TMEM255B: variants seen among roughly 807,000 people sequenced by gnomAD.
TMEM255B encodes the protein transmembrane protein 255B, also known as family with sequence similarity 70, member B.
TMEM255B carries 35 observed loss-of-function variants against 34.5 expected under a neutral mutation model. The observed-to-expected ratio is 1.01, with a 90% CI of 0.77 to 1.34. TMEM255B has a LOEUF of 1.34. Among genes scored for constraint, TMEM255B ranks in the 40% most tolerant of loss-of-function variants. The pLI, the probability that TMEM255B is intolerant of heterozygous loss-of-function variation, is 0.00. For missense variants in TMEM255B, 432 were observed against 433.2 expected (o/e 1.00, Z 0.02); for synonymous variants, 206 against 201.2 (o/e 1.02, Z -0.20).
At chr13:113,789,620 G>T (rs1354304081) in intron 3 of TMEM255B, among the ~76,000 whole-genome samples, 1 of 152,212 alleles carries the variant, frequency 6.6e-6, no homozygotes, top group African/African-American at 2.4e-5. Flanking sequence ...CAACACCACT[G>T]CCTGGACTCG....
intron 2 of TMEM255B, chr13:113,768,787 T>A: frequency 2.1e-6 from 1 of 485,544 alleles, no homozygotes; most frequent in African/African-American, 1.9e-5. Context: ...TTGGTGGCCC[T>A]GGGTTCCCGA....
chr13:113,778,798 C>A (rs1231080247), intron 3 of TMEM255B, among the ~76,000 whole-genome samples: 1 of 152,196 alleles, frequency 6.6e-6, no homozygotes, highest in Non-Finnish European at 1.5e-5. Context: ...TTTTGTTGAT[C>A]TTTTTCTAGC....
chr13:113,807,109 G>T (rs1005386507), intron 8 of TMEM255B, among the ~76,000 whole-genome samples: 1 of 152,214 alleles, frequency 6.6e-6, no homozygotes, highest in East Asian at 1.9e-4. Context: ...GCTGTCTGAA[G>T]CTCTGGCTGT....
At chr13:113,795,486 G>GAGCACACACACCACAACAGAGCACAC (rs1218514873) in intron 4 of TMEM255B, among the ~76,000 whole-genome samples, 1 of 117,490 alleles carries the variant, frequency 8.5e-6, no homozygotes, top group South Asian at 2.8e-4. Context: ...ACAGAGCACA[G>GAGCACACACACCACAACAGAGCACAC]AGCACACACA....
In TMEM255B at chr13:113,813,131, G is replaced by A. The variant is rs1423938678; in HGVS notation, c.*1228G>A. On this transcript the variant is annotated 3_prime_UTR_variant, in exon 9 of 9. Transcript: ENST00000375353. ...GGGGAGAGGCTTTCTCTGAACTCCT[G>A]AAGTCAGATCCTCAGGGAACCAGGG... 2.1e-5 allele frequency: 3 copies of A among 141,730 alleles called. No homozygotes were observed. Among genetic ancestry groups the A allele is most frequent in the African/African-American group, 7.7e-5 (3 of 39,114 alleles). The allele number at this position is 141,730 out of a possible 1,614,324, so 8.8% of individuals were successfully genotyped here.
intron 7 of TMEM255B, among the ~76,000 whole-genome samples, chr13:113,802,459 C>T (rs2051083171): frequency 6.6e-6 from 1 of 152,192 alleles, no homozygotes; most frequent in Non-Finnish European, 1.5e-5. Context: ...GGATGGGCAG[C>T]CAGGAGTGAG....
At chr13:113,804,521 G>A (rs1296707073) in intron 7 of TMEM255B, among the ~76,000 whole-genome samples, 1 of 152,214 alleles carries the variant, frequency 6.6e-6, no homozygotes, top group African/African-American at 2.4e-5. Context: ...GCAGGTGGCG[G>A]GGCCCTGGGA....
chr13:113,797,233 C>T (rs1402673717), intron 4 of TMEM255B, among the ~76,000 whole-genome samples: 2 of 152,236 alleles, frequency 1.3e-5, no homozygotes, highest in South Asian at 2.1e-4. Flanking sequence ...GGCCCCTGGC[C>T]GGGGCCTCCC....
chr13:113,786,646 TGTCGTTACCCTCATCACCATCATCAC>T (rs2050750479), intron 3 of TMEM255B, among the ~76,000 whole-genome samples: 2 of 53,978 alleles, frequency 3.7e-5, no homozygotes, highest in African/African-American at 8.3e-5. Flanking sequence ...CCATCATCAC[TGTCGTTACCCTCATCACCATCATCAC>T]TGTCATCACC....
At chr13:113,764,456 A>G (rs1350906673) in intron 1 of TMEM255B, among the ~76,000 whole-genome samples, 1 of 152,102 alleles carries the variant, frequency 6.6e-6, no homozygotes, top group Non-Finnish European at 1.5e-5. Flanking sequence ...GTGTCTCAGG[A>G]GGGTGGCTTT....
rs2051402512 is a variant in TMEM255B at position 113,816,316 on chromosome 13, C to CTTTTCAGG, written c.*4413_*4414insTTTTCAGG. 3 of 127,270 alleles carry CTTTTCAGG rather than the reference C, an allele frequency of 2.4e-5. No homozygotes were observed. Among genetic ancestry groups the CTTTTCAGG allele is most frequent in the African/African-American group, 8.9e-5 (3 of 33,668 alleles). The allele number at this position is 127,270 out of a possible 1,614,324, so 7.9% of individuals were successfully genotyped here. On this transcript the variant is annotated 3_prime_UTR_variant, in exon 9 of 9. Coordinates refer to ENST00000375353, the MANE Select transcript of TMEM255B (RefSeq NM_182614.4). ...GAGGTGCAGTCACTGGTCAGGGACA[C>CTTTTCAGG]GAGTTCTTGTGGGAAGAGGAGTGTC... is the stretch of plus-strand genomic sequence containing the variant.
chr13:113,784,196 A>T (rs1026362820), intron 3 of TMEM255B, among the ~76,000 whole-genome samples: 3 of 152,138 alleles, frequency 2.0e-5, no homozygotes, highest in African/African-American at 7.2e-5. Context: ...TTGGGCACCC[A>T]TGTGAGCTGG....
At chr13:113,799,854 C>A in intron 5 of TMEM255B, 1 of 809,954 alleles carries the variant, frequency 1.2e-6, no homozygotes, top group Non-Finnish European at 1.9e-6. Flanking sequence ...CCGCGGGCGG[C>A]CGCCGCCTTC....
In TMEM255B at chr13:113,770,058, G is replaced by T. The variant is rs2050453155; in HGVS notation, c.252+898G>T. Among the ~76,000 whole-genome samples, 1 of 152,176 alleles carries T rather than the reference G, an allele frequency of 6.6e-6. No homozygotes were observed. Among genetic ancestry groups the T allele is most frequent in the Non-Finnish European group, 1.5e-5 (1 of 68,044 alleles). Reference sequence around the variant, plus strand: ...CCGCGGTGTATGCCCTCGGAACCCTGTATGTTAGTCTGTTTTCACACTGCT... The same window carrying T: ...CCGCGGTGTATGCCCTCGGAACCCTTTATGTTAGTCTGTTTTCACACTGCT... On this transcript the variant is annotated intron_variant, in intron 3 of 8. Coordinates refer to ENST00000375353, the MANE Select transcript of TMEM255B (RefSeq NM_182614.4). This position sits in a 1 kb window ranked among gnomAD's most constrained non-coding sequence, Gnocchi z 4.6.
chr13:113,764,548 C>T (rs1457231578), intron 1 of TMEM255B, among the ~76,000 whole-genome samples: 1 of 152,178 alleles, frequency 6.6e-6, no homozygotes, highest in Non-Finnish European at 1.5e-5. Context: ...AGGGAAGGCT[C>T]TGCCCTCTGC....
chr13:113,782,809 C>G (rs2050686242), intron 3 of TMEM255B, among the ~76,000 whole-genome samples: 1 of 152,166 alleles, frequency 6.6e-6, no homozygotes, highest in East Asian at 1.9e-4. Flanking sequence ...CAAGCTTTTG[C>G]CCAGTGTCCA....
chr13:113,788,465 T>G (rs1447307190), intron 3 of TMEM255B, among the ~76,000 whole-genome samples: 2 of 151,812 alleles, frequency 1.3e-5, no homozygotes, highest in Non-Finnish European at 2.9e-5. Flanking sequence ...GCTCAGGGGT[T>G]GCACTGCCTG....
intron 2 of TMEM255B, chr13:113,768,226 G>A (rs139837435): frequency 5.8e-4 from 271 of 470,576 alleles, no homozygotes; most frequent in African/African-American, 4.7e-3. Context: ...CGGCACGGTC[G>A]TTGGCAGGTC....
chr13:113,763,479 G>A (rs1031772494), intron 1 of TMEM255B, among the ~76,000 whole-genome samples: 2 of 152,100 alleles, frequency 1.3e-5, no homozygotes, highest in African/African-American at 4.8e-5. Context: ...CATCGCTCCT[G>A]TCTCTCGGGC....
Sources: gnomAD v4.1 joint callset for allele counts (sites outside exome capture counted in the v4.1 genomes callset) on GRCh38, gnomAD v4.1.1 for gene constraint, Gnocchi (gnomAD v3.1) non-coding constraint, MANE v1.5 for transcripts, NCBI Gene and HGNC (gene_info 2026-07-23, HGNC 2026-07-21) for gene names.